Variants in PTPN14 observed in about 807,000 individuals in gnomAD.
The protein encoded by PTPN14 is protein tyrosine phosphatase non-receptor type 14.
Under a neutral mutation model 126.8 loss-of-function variants are expected in PTPN14, and 53 were observed. The observed-to-expected ratio is 0.42, with a 90% confidence interval of 0.34 to 0.53. PTPN14 has a LOEUF of 0.53. Ranked by LOEUF, PTPN14 falls within the 20% of genes least tolerant of loss-of-function variation. PTPN14 has a pLI of 0.08. For synonymous variants in PTPN14, 630 were observed against 599.3 expected, an observed-to-expected ratio of 1.05 and a Z score of -0.75; for missense variants, 1,257 against 1,552.9, an observed-to-expected ratio of 0.81 and a Z score of 3.20.
chr1:214,390,795 G>T (rs1324977131), intron 11 of PTPN14, among the ~76,000 whole-genome samples, 193 bp downstream of exon 11: 1 of 152,182 alleles, frequency 6.6e-6, no homozygotes, highest in Admixed American at 6.5e-5. Flanking sequence ...GCCACACTTA[G>T]AGTAGTGGTG....
chr1:214,351,308 GAAAA>G lies in PTPN14; in HGVS notation c.*6610_*6613del, dbSNP rs1300521749. 2 of 136,664 alleles carry G rather than the reference GAAAA, an allele frequency of 1.5e-5. No homozygotes were observed. The highest frequency in any genetic ancestry group is 3.1e-5 in the Non-Finnish European group (2 of 63,608). 8.5% of individuals were successfully genotyped at this position (136,664 alleles called of 1,614,324 possible). The stretch of plus-strand genomic sequence containing the variant: ...CAAAAACTAAAAAAAAAAAAAAAAA[GAAAA>G]AGAAAAAAAAAAAGGCAGCAGACCC... On this transcript the variant is annotated 3_prime_UTR_variant, in exon 19 of 19. Coordinates refer to ENST00000366956, the MANE Select transcript of PTPN14 (RefSeq NM_005401.5).
intron 14 of PTPN14, among the ~76,000 whole-genome samples, chr1:214,377,520 CTAAAA>C (rs925352959): frequency 1.3e-5 from 2 of 151,994 alleles, no homozygotes; most frequent in Admixed American, 6.5e-5. Flanking sequence ...GCCCCCAAAA[CTAAAA>C]TAAAAGTTTA....
At position 214,383,814 on chromosome 1, in the gene PTPN14, A is replaced by C. The variant is rs1255397509; in HGVS notation, c.2041T>G (p.Ser681Ala). ...AGCTGGGGGACCTCGTGGCTGCCTG[A>C]CCCCTCCTCGGGCGGTCCCTGCTCC... ...LREQGPPEEGSGSHEVPQLPQ... is the reference protein window; with the variant it reads ...LREQGPPEEGAGSHEVPQLPQ... The change falls in exon 13 of 19, where the codon TCA (serine) becomes GCA (alanine). Residue 681 changes from serine to alanine, a missense_variant. Physicochemically the swap from Ser to Ala is moderately conservative, Grantham distance 99 (BLOSUM62 1). Transcript: ENST00000366956. The surrounding 1 kb of genome is among the most constrained non-coding windows in gnomAD (Gnocchi z 4.4). 6.2e-7 allele frequency: 1 copy of C among 1,612,260 alleles called. No homozygotes were observed. The highest frequency in any genetic ancestry group is 1.1e-5 in the South Asian group (1 of 91,060).
At chr1:214,413,779 G>A (rs147486852) in intron 4 of PTPN14, among the ~76,000 whole-genome samples, 11 of 152,172 alleles carry the variant, frequency 7.2e-5, no homozygotes, top group East Asian at 1.9e-4. Context: ...AGCGATTCTC[G>A]TGCTCCAGCC....
intron 1 of PTPN14, among the ~76,000 whole-genome samples, chr1:214,470,395 C>T (rs189227674): frequency 3.7e-4 from 57 of 152,016 alleles, no homozygotes; most frequent in Admixed American, 2.1e-3. Flanking sequence ...TTTTCCTAGG[C>T]GCATCTTATA....
intron 1 of PTPN14, among the ~76,000 whole-genome samples, chr1:214,500,454 T>A (rs1157284417): frequency 6.6e-6 from 1 of 152,190 alleles, no homozygotes; most frequent in Non-Finnish European, 1.5e-5. Context: ...TATAATCAGA[T>A]CCATCTTTCC....
chr1:214,416,398 C>T (rs1164832360), intron 3 of PTPN14, among the ~76,000 whole-genome samples: 1 of 152,164 alleles, frequency 6.6e-6, no homozygotes, highest in African/African-American at 2.4e-5. Context: ...TGGGAGTTGA[C>T]CAGTAACCAA....
chr1:214,550,481 A>G (rs1476495609), intron 1 of PTPN14, among the ~76,000 whole-genome samples: 2 of 152,204 alleles, frequency 1.3e-5, no homozygotes, highest in Non-Finnish European at 2.9e-5. Flanking sequence ...GCTCTCTCCA[A>G]ACGAAAAGGT....
At chr1:214,411,052 A>G (rs1366041515) in intron 5 of PTPN14, among the ~76,000 whole-genome samples, 1 of 152,176 alleles carries the variant, frequency 6.6e-6, no homozygotes, top group African/African-American at 2.4e-5. Context: ...ACATTTTAAC[A>G]ATATTGATTC....
At chr1:214,429,968 G>C (rs1465553270) in intron 3 of PTPN14, among the ~76,000 whole-genome samples, 1 of 152,156 alleles carries the variant, frequency 6.6e-6, no homozygotes, top group East Asian at 1.9e-4. Flanking sequence ...AGAAGAAATT[G>C]CATGACTTAG....
chr1:214,369,081 A>G (rs1298838162), intron 17 of PTPN14, among the ~76,000 whole-genome samples: 1 of 152,180 alleles, frequency 6.6e-6, no homozygotes, highest in East Asian at 1.9e-4. Context: ...GGAACCTCAT[A>G]TAAGTGGAAT....
chr1:214,480,328 C>G (rs978384329), intron 1 of PTPN14, among the ~76,000 whole-genome samples: 1 of 152,140 alleles, frequency 6.6e-6, no homozygotes, highest in African/African-American at 2.4e-5. Flanking sequence ...TTTTCTTAAC[C>G]ACTTCCATAA....
chr1:214,470,643 G>T (rs1660732907), intron 1 of PTPN14, among the ~76,000 whole-genome samples: 1 of 151,648 alleles, frequency 6.6e-6, no homozygotes, highest in Non-Finnish European at 1.5e-5. Flanking sequence ...AATTAGCCGG[G>T]TGTGGTGGCA....
intron 3 of PTPN14, among the ~76,000 whole-genome samples, chr1:214,426,456 C>G (rs1023125105): frequency 6.6e-6 from 1 of 151,824 alleles, no homozygotes; most frequent in African/African-American, 2.4e-5. Flanking sequence ...TTCTAATTGC[C>G]TTAGTTTCTA....
At chr1:214,390,575 T>A (rs1658725292) in intron 11 of PTPN14, among the ~76,000 whole-genome samples, 1 of 152,230 alleles carries the variant, frequency 6.6e-6, no homozygotes. Context: ...TTTGCTCATT[T>A]AGAAGGCATT....
chr1:214,402,630 T>TAAGG lies in PTPN14; in HGVS notation c.581+249_581+252dup, dbSNP rs1255911197. On this transcript the variant is annotated intron_variant, in intron 6 of 18. Transcript: ENST00000366956. ...GCTGTCTCAGGCTTCCCAGATTCTC[T>TAAGG]AAGGAAGGAAGGAAGGAAGGAAGGA... 8.8e-3 allele frequency among the ~76,000 whole-genome samples: 277 copies of TAAGG among 31,346 alleles called. 43 individuals carry two copies. Among genetic ancestry groups the TAAGG allele is most frequent in the Non-Finnish European group, 0.011 (189 of 16,716 alleles). The allele number at this position is 31,346 out of a possible 152,430, so 20.6% of individuals were successfully genotyped here.
intron 2 of PTPN14, among the ~76,000 whole-genome samples, chr1:214,455,542 G>C (rs771516612): frequency 9.8e-4 from 149 of 152,106 alleles, no homozygotes; most frequent in Admixed American, 2.0e-3. Flanking sequence ...AGAACACACA[G>C]CTCTGGTGCC....
chr1:214,377,468 C>T (rs1658370339), intron 14 of PTPN14, among the ~76,000 whole-genome samples: 2 of 152,036 alleles, frequency 1.3e-5, no homozygotes, highest in Non-Finnish European at 2.9e-5. Context: ...TACAACAAAC[C>T]CCTGTGACAT....
At chr1:214,512,696 A>T (rs1026744383) in intron 1 of PTPN14, among the ~76,000 whole-genome samples, 3 of 152,156 alleles carry the variant, frequency 2.0e-5, no homozygotes, top group Admixed American at 2.0e-4. Context: ...CTAAAAAAAT[A>T]CGTATTATTT....
Sources: allele counts gnomAD v4.1 joint callset (sites outside exome capture counted in the v4.1 genomes callset), GRCh38; gene constraint gnomAD v4.1.1; non-coding constraint Gnocchi (gnomAD v3.1); transcripts MANE v1.5; gene names NCBI Gene and HGNC (gene_info 2026-07-23, HGNC 2026-07-21).